Variants in SLCO3A1 observed in about 807,000 individuals in gnomAD.
SLCO3A1 encodes the protein solute carrier organic anion transporter family member 3A1, also known as PGE1 transporter.
A neutral mutation model predicts 63.1 loss-of-function variants in SLCO3A1; 27 were observed. The ratio of observed to expected loss-of-function variants is 0.43; its 90% CI spans 0.32 to 0.59. SLCO3A1 has a LOEUF of 0.59. SLCO3A1 is among the 20% of genes least tolerant of loss of function. The pLI is 0.09. For synonymous variants in SLCO3A1, 473 were observed against 409.9 expected, an observed-to-expected ratio of 1.15 and a Z score of -1.86; for missense variants, 773 against 945.8, an observed-to-expected ratio of 0.82 and a Z score of 2.40.
intron 2 of SLCO3A1, among the ~76,000 whole-genome samples, chr15:92,050,066 G>A (rs1010415233): frequency 4.6e-5 from 7 of 152,182 alleles, no homozygotes; most frequent in Non-Finnish European, 7.4e-5. Flanking sequence ...CCTCATGACC[G>A]GGTGACCAAT....
rs748426898 is a variant in SLCO3A1, at chr15:92,128,521, G to T, written c.1512+32G>T. 6 of 1,576,280 alleles carry T rather than the reference G, an allele frequency of 3.8e-6. No homozygotes were observed. In the South Asian group the frequency reaches 4.6e-5, roughly 12 times the overall value. On this transcript the variant is annotated intron_variant, in intron 7 of 9. Coordinates refer to ENST00000318445, the MANE Select transcript of SLCO3A1 (RefSeq NM_013272.4). Reference sequence around the variant, plus strand: ...GGATGGGGCAGGGGATGGGGCAGGGGATTCAGGCAGCTAAAGTGGCTTAAA... The same window carrying T: ...GGATGGGGCAGGGGATGGGGCAGGGTATTCAGGCAGCTAAAGTGGCTTAAA...
chr15:91,954,540 G>A lies in SLCO3A1; in HGVS notation c.646+38082G>A, dbSNP rs1900105222. Among the ~76,000 whole-genome samples the A allele has an allele frequency of 6.6e-6, 1 of 152,204 alleles. No homozygotes were observed. Among genetic ancestry groups the A allele is most frequent in the South Asian group, 2.1e-4 (1 of 4,828 alleles). ...AGTGATGAACAGCCTACCTGGTCAG[G>A]TGCCCCGCAGGCTTTCCTGAGAAGT... On this transcript the variant is annotated intron_variant, in intron 2 of 9. Coordinates refer to ENST00000318445, the MANE Select transcript of SLCO3A1 (RefSeq NM_013272.4). The surrounding 1 kb of genome is among the most constrained non-coding windows in gnomAD (Gnocchi z 4.7).
Position 91,853,873 on chromosome 15 carries a change from G to C in SLCO3A1, c.-36G>C. ...CGACACCCGGGGCGAGCGGGAAAGC[G>C]GCAGCGGCGGCGGCGGCGGCGGCGG... is the stretch of plus-strand genomic sequence containing the variant. On this transcript the variant is annotated 5_prime_UTR_variant, in exon 1 of 10. Transcript: ENST00000318445. 1 of 1,290,964 alleles carries C rather than the reference G, an allele frequency of 7.7e-7. No homozygotes were observed. Among genetic ancestry groups the C allele is most frequent in the Admixed American group, 3.6e-5 (1 of 27,970 alleles). 80.0% of individuals were successfully genotyped at this position (1,290,964 alleles called of 1,614,324 possible).
At chr15:92,039,444 T>A (rs1176663028) in intron 2 of SLCO3A1, among the ~76,000 whole-genome samples, 1 of 152,228 alleles carries the variant, frequency 6.6e-6, no homozygotes, top group Admixed American at 6.5e-5. Flanking sequence ...AAGACATTTA[T>A]GTGACTATCA....
chr15:91,935,682 G>A (rs986177849), intron 2 of SLCO3A1, among the ~76,000 whole-genome samples: 3 of 152,222 alleles, frequency 2.0e-5, no homozygotes, highest in Admixed American at 6.5e-5. Context: ...AGAAGGGCCT[G>A]CCACTTCCTT....
At chr15:92,075,094 C>T (rs1202615825) in intron 2 of SLCO3A1, among the ~76,000 whole-genome samples, 2 of 152,184 alleles carry the variant, frequency 1.3e-5, no homozygotes, top group Non-Finnish European at 2.9e-5. Context: ...GTGAGCAGCT[C>T]ACTACCCCTC....
chr15:92,146,526 G>A (rs954515693), intron 7 of SLCO3A1, among the ~76,000 whole-genome samples: 3 of 152,122 alleles, frequency 2.0e-5, no homozygotes, highest in African/African-American at 7.3e-5. Context: ...TCCAAGTGCC[G>A]TGTTGGGCAC....
chr15:92,155,681 A>G (rs2048362002), intron 9 of SLCO3A1, among the ~76,000 whole-genome samples: 1 of 140,662 alleles, frequency 7.1e-6, no homozygotes, highest in Admixed American at 6.9e-5. Context: ...GTGGGTTTGA[A>G]CGGTAAAGAC....
intron 1 of SLCO3A1, among the ~76,000 whole-genome samples, chr15:91,898,722 G>A (rs917589506): frequency 2.0e-5 from 3 of 152,096 alleles, no homozygotes; most frequent in Non-Finnish European, 2.9e-5. Flanking sequence ...TTCTGGGTGG[G>A]GGAGGGAGGC....
At chr15:91,903,566 C>T (rs1898215007) in intron 1 of SLCO3A1, among the ~76,000 whole-genome samples, 1 of 152,176 alleles carries the variant, frequency 6.6e-6, no homozygotes, top group Non-Finnish European at 1.5e-5. Flanking sequence ...AGCTGTTTCT[C>T]ACCCACACAG....
chr15:92,097,066 C>T (rs2047547840), intron 3 of SLCO3A1, among the ~76,000 whole-genome samples: 1 of 152,162 alleles, frequency 6.6e-6, no homozygotes, highest in African/African-American at 2.4e-5. Flanking sequence ...ACTCCTGATG[C>T]AATGGGGAAG....
At chr15:92,050,116 C>G (rs1258302768) in intron 2 of SLCO3A1, among the ~76,000 whole-genome samples, 1 of 152,366 alleles carries the variant, frequency 6.6e-6, no homozygotes, top group South Asian at 2.1e-4. Flanking sequence ...ACTTAGGTGA[C>G]TGTCACAAAC....
intron 2 of SLCO3A1, among the ~76,000 whole-genome samples, chr15:91,982,944 C>T (rs766471522): frequency 9.9e-5 from 15 of 152,230 alleles, no homozygotes; most frequent in Non-Finnish European, 2.1e-4. Context: ...ACCCCAAACT[C>T]CCAGGAACTG....
chr15:91,939,579 C>T (rs1379786338), intron 2 of SLCO3A1, among the ~76,000 whole-genome samples: 1 of 152,162 alleles, frequency 6.6e-6, no homozygotes, highest in Non-Finnish European at 1.5e-5. Context: ...GGATGCCACG[C>T]TGCTGCCAGC....
intron 9 of SLCO3A1, among the ~76,000 whole-genome samples, chr15:92,155,660 C>T (rs1447838332): frequency 1.3e-5 from 2 of 152,074 alleles, no homozygotes; most frequent in Non-Finnish European, 2.9e-5. Context: ...AAGCTGACCA[C>T]CAGCAAAGCA....
At chr15:92,144,624 A>T (rs1055312302) in intron 7 of SLCO3A1, among the ~76,000 whole-genome samples, 1 of 152,224 alleles carries the variant, frequency 6.6e-6, no homozygotes, top group Admixed American at 6.5e-5. Context: ...AATATTCTTT[A>T]TGCAAAAGGG....
chr15:92,086,752 G>C (rs2047409279), intron 2 of SLCO3A1, among the ~76,000 whole-genome samples: 1 of 152,052 alleles, frequency 6.6e-6, no homozygotes, highest in African/African-American at 2.4e-5. Flanking sequence ...AAGGTGGGTG[G>C]ATCACCTGAG....
chr15:91,980,831 T>C (rs1399604394), intron 2 of SLCO3A1, among the ~76,000 whole-genome samples: 2 of 152,134 alleles, frequency 1.3e-5, no homozygotes, highest in East Asian at 3.9e-4. Flanking sequence ...CCAGCCTACT[T>C]TTCCCAGGTC....
chr15:92,014,867 G>A (rs1567067110), intron 2 of SLCO3A1, among the ~76,000 whole-genome samples: 1 of 152,116 alleles, frequency 6.6e-6, no homozygotes, highest in Non-Finnish European at 1.5e-5. Context: ...GGAGGTGGAG[G>A]AGGAGGGTAA....
Sources: gnomAD v4.1 joint callset for allele counts (sites outside exome capture counted in the v4.1 genomes callset) on GRCh38, gnomAD v4.1.1 for gene constraint, Gnocchi (gnomAD v3.1) non-coding constraint, MANE v1.5 for transcripts, NCBI Gene and HGNC (gene_info 2026-07-23, HGNC 2026-07-21) for gene names.